Variants in ARHGEF3 observed in about 807,000 individuals in gnomAD.
ARHGEF3 encodes Rho guanine nucleotide exchange factor 3.
In ARHGEF3, 28 loss-of-function variants were observed where a neutral mutation model predicts 63.2. The ratio of observed to expected loss-of-function variants is 0.44; its 90% CI spans 0.33 to 0.61. ARHGEF3 has a LOEUF of 0.61. ARHGEF3 is among the 20% of genes least tolerant of loss of function. The pLI is 0.03. For synonymous variants in ARHGEF3, 266 were observed against 254.2 expected (o/e 1.05, Z -0.44); for missense variants, 533 against 659.3 (o/e 0.81, Z 2.10).
At chr3:56,900,707 A>G (rs533157309) in intron 3 of ARHGEF3, among the ~76,000 whole-genome samples, 1 of 152,346 alleles carries the variant, frequency 6.6e-6, no homozygotes, top group Non-Finnish European at 1.5e-5. Context: ...CTTTGTTACA[A>G]TGTAGACAAT....
intron 1 of ARHGEF3, among the ~76,000 whole-genome samples, chr3:57,036,855 A>G (rs1158674425): frequency 1.3e-5 from 2 of 152,180 alleles, no homozygotes; most frequent in Non-Finnish European, 1.5e-5. Context: ...CTGCTTGGCC[A>G]TATCTCCAGC....
At position 56,966,322 on chromosome 3, in the gene ARHGEF3, C is replaced by T. The variant is rs139071784; in HGVS notation, c.63-7433G>A. ...AGGTCTGTATATGTAGGATGAGGGC[C>T]CTGGAAGGGCACAGCCCAACTGTTG... On this transcript the variant is annotated intron_variant, in intron 2 of 12. Transcript: ENST00000338458. Among the ~76,000 whole-genome samples, 339 of 152,238 alleles carry T rather than the reference C, an allele frequency of 2.2e-3. 5 individuals are homozygous for T. Among genetic ancestry groups the T allele is most frequent in the Non-Finnish European group, 5.7e-4 (39 of 68,026 alleles).
intron 2 of ARHGEF3, among the ~76,000 whole-genome samples, chr3:57,025,275 G>A (rs572137852): frequency 2.0e-5 from 3 of 152,312 alleles, no homozygotes; most frequent in African/African-American, 7.2e-5. Flanking sequence ...GAAGAGTTAG[G>A]AGACAGTATT....
chr3:57,008,759 ACTGTAC>A (rs1179093667), intron 2 of ARHGEF3, among the ~76,000 whole-genome samples: 3 of 152,120 alleles, frequency 2.0e-5, no homozygotes, highest in African/African-American at 7.2e-5. Flanking sequence ...GGCATGAGTC[ACTGTAC>A]CAGGCCCTGT....
At chr3:56,768,667 C>CAAA (rs770390697) in intron 2 of ARHGEF3, among the ~76,000 whole-genome samples, 44 of 43,962 alleles carry the variant, frequency 1.0e-3, no homozygotes, top group Non-Finnish European at 1.5e-3. Flanking sequence ...AAGCAAAATG[C>CAAA]AAAAAAAAAA....
chr3:56,858,086 A>G (rs900844863), intron 4 of ARHGEF3, among the ~76,000 whole-genome samples: 5 of 152,056 alleles, frequency 3.3e-5, no homozygotes, highest in African/African-American at 1.2e-4. Context: ...CTATAAAAAA[A>G]TACAAAAATT....
intron 7 of ARHGEF3, among the ~76,000 whole-genome samples, chr3:56,741,496 CTTTTTT>C (rs71072191): frequency 1.6e-4 from 8 of 50,536 alleles, no homozygotes; most frequent in Admixed American, 5.9e-4. Context: ...TACATTGGTT[CTTTTTT>C]TTTTTTTTTT....
At chr3:56,861,849 G>A (rs1373686543) in intron 4 of ARHGEF3, among the ~76,000 whole-genome samples, 1 of 143,132 alleles carries the variant, frequency 7.0e-6, no homozygotes, top group Non-Finnish European at 1.5e-5. Context: ...AGTGAATGAA[G>A]CCTTCTAACC....
At chr3:57,049,887 C>A (rs1022202470) in intron 1 of ARHGEF3, among the ~76,000 whole-genome samples, 5 of 152,200 alleles carry the variant, frequency 3.3e-5, no homozygotes, top group African/African-American at 1.2e-4. Context: ...AAGGGCACTA[C>A]ATTAATCCCC....
At chr3:57,064,387 G>C (rs889140601) in intron 1 of ARHGEF3, among the ~76,000 whole-genome samples, 1 of 151,554 alleles carries the variant, frequency 6.6e-6, no homozygotes, top group African/African-American at 2.4e-5. Context: ...GCAGCGGCAA[G>C]ATCACGGCTC....
In ARHGEF3 at chr3:56,868,294, G is replaced by A. The variant is rs562233194; in HGVS notation, c.192+13998C>T. 7.2e-4 allele frequency among the ~76,000 whole-genome samples: 109 copies of A among 151,884 alleles called. 1 individual carries two copies. Among genetic ancestry groups the A allele is most frequent in the Admixed American group, 1.5e-3 (23 of 15,270 alleles). On this transcript the variant is annotated intron_variant, in intron 4 of 12. Transcript: ENST00000338458. ...ATAAAATAAAGTGAAGCACCTTCCCGACTGAACCTTTGAGTTAACCAGCTA... is the reference window on the plus strand; with the variant it reads ...ATAAAATAAAGTGAAGCACCTTCCCAACTGAACCTTTGAGTTAACCAGCTA...
chr3:56,788,697 T>G (rs554212708), intron 1 of ARHGEF3, among the ~76,000 whole-genome samples: 5 of 152,064 alleles, frequency 3.3e-5, no homozygotes, highest in Admixed American at 6.5e-5. Context: ...GCATGTCAGG[T>G]GGGAGCCGGC....
At chr3:56,846,901 A>C (rs2039510703) in intron 4 of ARHGEF3, among the ~76,000 whole-genome samples, 1 of 152,216 alleles carries the variant, frequency 6.6e-6, no homozygotes, top group Non-Finnish European at 1.5e-5. Context: ...AACATTAATA[A>C]TTGCATTTTA....
chr3:56,978,064 A>AT (rs1428274421), intron 2 of ARHGEF3, among the ~76,000 whole-genome samples: 1 of 152,216 alleles, frequency 6.6e-6, no homozygotes, highest in Non-Finnish European at 1.5e-5. Context: ...ACAGGGAGAC[A>AT]TGCCAGCATT....
chr3:56,900,058 T>G (rs2041453917), intron 3 of ARHGEF3, among the ~76,000 whole-genome samples: 1 of 152,168 alleles, frequency 6.6e-6, no homozygotes, highest in South Asian at 2.1e-4. Context: ...GAGGCTAGGT[T>G]TGGGGAGTGA....
At chr3:57,042,856 T>C (rs1704283752) in intron 1 of ARHGEF3, among the ~76,000 whole-genome samples, 2 of 148,756 alleles carry the variant, frequency 1.3e-5, no homozygotes, top group African/African-American at 4.9e-5. Flanking sequence ...GCCACCATGC[T>C]CAGCTAGTTT....
intron 3 of ARHGEF3, among the ~76,000 whole-genome samples, chr3:56,939,210 TCAGACA>T (rs1470358977): frequency 6.6e-6 from 1 of 152,090 alleles, no homozygotes; most frequent in Non-Finnish European, 1.5e-5. Flanking sequence ...ATTCCCAGAT[TCAGACA>T]CAGGCAGAAA....
intron 1 of ARHGEF3, among the ~76,000 whole-genome samples, chr3:57,057,586 G>T (rs1331779373): frequency 6.6e-6 from 1 of 151,932 alleles, no homozygotes; most frequent in Non-Finnish European, 1.5e-5. Context: ...CTAGCACAGG[G>T]CCTGGCCCAG....
intron 7 of ARHGEF3, among the ~76,000 whole-genome samples, chr3:56,744,082 T>C (rs74284313): frequency 0.011 from 1,681 of 152,318 alleles, 64 homozygotes; most frequent in East Asian, 0.095. Context: ...TAACCAGATC[T>C]GAACCCACAT....
Sources: gnomAD v4.1 joint callset for allele counts (sites outside exome capture counted in the v4.1 genomes callset) on GRCh38, gnomAD v4.1.1 for gene constraint, MANE v1.5 for transcripts, NCBI Gene and HGNC (gene_info 2026-07-23, HGNC 2026-07-21) for gene names.